The following RERGL variants were observed in gnomAD, a reference collection of about 807,000 sequenced individuals.
RERGL encodes the protein ras-related and estrogen-regulated growth inhibitor-like protein.
A neutral mutation model predicts 24.7 loss-of-function variants in RERGL; 22 were observed. That is an observed-to-expected ratio of 0.89 (90% CI 0.64 to 1.27). RERGL has a LOEUF of 1.27. Ranked by LOEUF, RERGL falls within the 50% of genes most tolerant of loss-of-function variation. RERGL has a pLI of 0.00. For synonymous variants in RERGL, 76 were observed against 82.6 expected (o/e 0.92, Z 0.43); for missense variants, 259 against 235.3 (o/e 1.10, Z -0.66).
At chr12:18,084,708 C>G (rs368792711) in intron 3 of RERGL, 43 bp from the exon 4 acceptor site, 1 of 1,565,546 alleles carries the variant, frequency 6.4e-7, no homozygotes, top group Non-Finnish European at 8.6e-7. Flanking sequence ...GGATCTAATA[C>G]CTGTGTTTTT....
intron 1 of RERGL, among the ~76,000 whole-genome samples, chr12:18,089,642 A>T (rs1947251913): frequency 6.6e-6 from 1 of 152,118 alleles, no homozygotes. Flanking sequence ...TCATCTTAGT[A>T]ATGCTACATT....
intron 1 of RERGL, chr12:18,089,514 A>G (rs1175803894): frequency 4.0e-6 from 2 of 497,892 alleles, no homozygotes. Flanking sequence ...TGTCACCATT[A>G]TAATGTGACC....
chr12:18,086,042 T>C (rs867052488), intron 2 of RERGL, among the ~76,000 whole-genome samples: 4,368 of 144,390 alleles, frequency 0.03, 234 homozygotes, highest in African/African-American at 0.1. Context: ...TTTTTTTTTT[T>C]TTTTGTATTT....
At chr12:18,088,004 TACTC>T (rs1947236242) in intron 2 of RERGL, among the ~76,000 whole-genome samples, 1 of 152,146 alleles carries the variant, frequency 6.6e-6, no homozygotes, top group South Asian at 2.1e-4. Flanking sequence ...TTTTCTGAGA[TACTC>T]CAATTATGCT....
chr12:18,083,554 T>C (rs954836372), intron 4 of RERGL, among the ~76,000 whole-genome samples: 1 of 152,102 alleles, frequency 6.6e-6, no homozygotes, highest in Non-Finnish European at 1.5e-5. Flanking sequence ...TTCCACCAGT[T>C]AAATAATTAG....
intron 1 of RERGL, 60 bp downstream of exon 1, chr12:18,090,029 A>AT (rs1432933042): frequency 4.0e-6 from 5 of 1,259,804 alleles, no homozygotes; most frequent in South Asian, 1.6e-5. Context: ...AATGGTTAAC[A>AT]TGTCAATGTT....
At chr12:18,087,943 T>C (rs978286630) in intron 2 of RERGL, among the ~76,000 whole-genome samples, 2 of 152,138 alleles carry the variant, frequency 1.3e-5, no homozygotes, top group Admixed American at 6.5e-5. Context: ...GGGACTGAAA[T>C]ACTATGTTGA....
In RERGL at chr12:18,084,644, G is replaced by C. The variant is rs1052380827; in HGVS notation, c.205C>G (p.Leu69Val). 2 of 1,609,428 alleles carry C rather than the reference G, an allele frequency of 1.2e-6. No individual in the cohort carries two copies. Among genetic ancestry groups the C allele is most frequent in the Non-Finnish European group, 1.7e-6 (2 of 1,178,448 alleles). ...TCTGCCCAGTGAAGCTCACTTGTGA[G>C]GGAGAATTTTGCTTTCTGTGTCTGA... ...CSQTQKAKFSLTSELHWADGF... is the reference protein window; with the variant it reads ...CSQTQKAKFSVTSELHWADGF... Residue 69 changes from leucine to valine, a missense_variant, in exon 4 of 5, where the codon CTC becomes GTC. By Grantham distance (32) the Leu-to-Val change is conservative. Coordinates refer to ENST00000538724, the MANE Select transcript of RERGL (RefSeq NM_001286201.2).
In RERGL at chr12:18,082,538, G is replaced by T. The variant is rs888965297; in HGVS notation, c.333-1065C>A. Reference sequence around the variant, plus strand: ...CTCCTCACACAGAATTCTCACAGAGGTTAAAGCTCATGGAGATTGTATACA... The same window carrying T: ...CTCCTCACACAGAATTCTCACAGAGTTTAAAGCTCATGGAGATTGTATACA... On this transcript the variant is annotated intron_variant, in intron 4 of 4. Transcript: ENST00000538724. Among the ~76,000 whole-genome samples the T allele has an allele frequency of 5.9e-5, 9 of 152,222 alleles. No individual in the cohort carries two copies. The South Asian group carries it at 8.3e-4, about 14-fold the overall frequency.
chr12:18,084,777 TA>T (rs1207126552), intron 3 of RERGL, 112 bp from the exon 4 acceptor site: 22 of 718,706 alleles, frequency 3.1e-5, no homozygotes, highest in Non-Finnish European at 4.7e-5. Flanking sequence ...ATCAATGTGT[TA>T]AATATTGATA....
chr12:18,090,113 C>G lies in RERGL; in HGVS notation c.28G>C (p.Gly10Arg). 6.5e-7 allele frequency: 1 copy of G among 1,533,340 alleles called. No homozygotes were observed. Among genetic ancestry groups the G allele is most frequent in the Non-Finnish European group, 8.7e-7 (1 of 1,145,694 alleles). 95.0% of individuals were successfully genotyped at this position (1,533,340 alleles called of 1,614,324 possible). Residue 10 changes from glycine (G) to arginine (R), a missense_variant, in exon 1 of 5, where the codon GGT becomes CGT. Gly to Arg is a moderately radical substitution (Grantham distance 125). Transcript: ENST00000538724. ...CCAGATTTGCCTGTTCCTTCACCACCCAAGACAGCAAGCTTCACATCATTC... is the reference window on the plus strand; with the variant it reads ...CCAGATTTGCCTGTTCCTTCACCACGCAAGACAGCAAGCTTCACATCATTC... MNDVKLAVL[G>R]GEGTGKSALT...
chr12:18,089,382 G>A, intron 1 of RERGL: 2 of 1,373,488 alleles, frequency 1.5e-6, no homozygotes, highest in Non-Finnish European at 1.9e-6. Flanking sequence ...AAGGATGTAG[G>A]GACCTACAAA....
At chr12:18,086,877 C>G (rs975442099) in intron 2 of RERGL, among the ~76,000 whole-genome samples, 1 of 152,170 alleles carries the variant, frequency 6.6e-6, no homozygotes, top group Non-Finnish European at 1.5e-5. Context: ...ACACTTCAAG[C>G]TGAACCCCTG....
chr12:18,089,208 C>G, intron 1 of RERGL: 1 of 1,598,374 alleles, frequency 6.3e-7, no homozygotes, highest in East Asian at 2.2e-5. Flanking sequence ...TTCATTACCA[C>G]AAAAACATAA....
chr12:18,081,525 TTTA>T, intron 4 of RERGL, 52 bp from the exon 5 acceptor site: 2 of 1,306,998 alleles, frequency 1.5e-6, no homozygotes, highest in East Asian at 2.5e-5. Context: ...AACTCTTTTT[TTTA>T]AAAAAAAAAA....
chr12:18,083,106 G>A (rs1947188582), intron 4 of RERGL, among the ~76,000 whole-genome samples: 1 of 151,922 alleles, frequency 6.6e-6, no homozygotes, highest in African/African-American at 2.4e-5. Flanking sequence ...ATGTTGCTAA[G>A]GTCTTTTTTT....
At chr12:18,087,804 T>C (rs1420698021) in intron 2 of RERGL, among the ~76,000 whole-genome samples, 1 of 152,184 alleles carries the variant, frequency 6.6e-6, no homozygotes, top group Non-Finnish European at 1.5e-5. Context: ...CTAACTTGTA[T>C]GTTATGTTGA....
chr12:18,083,604 A>G (rs1751398044), intron 4 of RERGL, among the ~76,000 whole-genome samples: 1 of 152,158 alleles, frequency 6.6e-6, no homozygotes, highest in Admixed American at 6.5e-5. Flanking sequence ...TACTTAAGGC[A>G]AATCAAAGGA....
intron 1 of RERGL, among the ~76,000 whole-genome samples, chr12:18,089,868 C>T (rs954760649): frequency 2.6e-5 from 4 of 152,056 alleles, no homozygotes; most frequent in Middle Eastern, 3.4e-3. Flanking sequence ...ATTTATCTTG[C>T]TATGCCTGCC....
Sources: gnomAD v4.1 joint callset for allele counts (sites outside exome capture counted in the v4.1 genomes callset) on GRCh38, gnomAD v4.1.1 for gene constraint, MANE v1.5 for transcripts, NCBI Gene and HGNC (gene_info 2026-07-23, HGNC 2026-07-21) for gene names.